Variants in FBN3 observed in about 807,000 individuals in gnomAD.
The protein encoded by FBN3 is fibrillin 3.
In FBN3, 234 loss-of-function variants were observed where a neutral mutation model predicts 330.1. That is an observed-to-expected ratio of 0.71 (90% confidence interval 0.64 to 0.79). The LOEUF is 0.79. Ranked by LOEUF, FBN3 falls within the 30% of genes least tolerant of loss-of-function variation. The probability of loss-of-function intolerance (pLI) is 0.00; values close to 1 mark genes in which losing one functional copy is unlikely to be tolerated. For synonymous variants in FBN3, 1,458 were observed against 1,517.3 expected (o/e 0.96, Z 0.91); for missense variants, 3,606 against 3,886.9 (o/e 0.93, Z 1.92).
chr19:8,072,031 T>A lies in FBN3; in HGVS notation c.8088+17A>T, dbSNP rs773310473. Reference sequence around the variant, plus strand: ...CCATTCCCTGGCCACCCCTGCCTAGTGCAGCACCCATGTCACCTGGTGGTC... The same window carrying A: ...CCATTCCCTGGCCACCCCTGCCTAGAGCAGCACCCATGTCACCTGGTGGTC... On this transcript the variant is annotated intron_variant, in intron 63 of 63. Coordinates refer to ENST00000600128, the MANE Select transcript of FBN3 (RefSeq NM_032447.5). 70 of 1,608,920 alleles carry A rather than the reference T, an allele frequency of 4.4e-5. No individual in the cohort carries two copies. Among genetic ancestry groups the A allele is most frequent in the Non-Finnish European group, 5.8e-5 (68 of 1,178,880 alleles).
At chr19:8,133,455 A>AT (rs568070872) in intron 13 of FBN3, among the ~76,000 whole-genome samples, 6,558 of 147,476 alleles carry the variant, frequency 0.044, 411 homozygotes, top group African/African-American at 0.14. Flanking sequence ...AAAGACAACA[A>AT]TTTTTTTTTT....
Position 8,111,193 on chromosome 19 carries a change from C to T in FBN3, c.4085-10G>A. 6.3e-7 allele frequency: 1 copy of T among 1,582,230 alleles called. No individual in the cohort carries two copies. Among genetic ancestry groups the T allele is most frequent in the Non-Finnish European group, 8.6e-7 (1 of 1,163,772 alleles). On this transcript the variant is annotated splice_polypyrimidine_tract_variant and intron_variant, in intron 32 of 63. Coordinates refer to ENST00000600128, the MANE Select transcript of FBN3 (RefSeq NM_032447.5). ...GCACATTCATCCCTGTCTGAGGGGC[C>T]CCAAGATTCGGAGGGCTGGAGGCCG...
chr19:8,087,955 GGCCAGTGGAGGT>G lies in FBN3; in HGVS notation c.6497-20_6497-9del. On this transcript the variant is annotated splice_polypyrimidine_tract_variant and intron_variant, in intron 52 of 63. Transcript: ENST00000600128. ...GGGAGCATTCGTCGATGTCTGGGGA[GGCCAGTGGAGGT>G]GCCAGCTGGGTAGGGACTGAGGGCG... The G allele has an allele frequency of 6.2e-7, 1 of 1,614,100 alleles. No individual in the cohort carries two copies. The highest frequency in any genetic ancestry group is 8.5e-7 in the Non-Finnish European group (1 of 1,180,020).
chr19:8,088,223 C>A, intron 51 of FBN3, 44 bp from the exon 52 acceptor site: 1 of 1,546,338 alleles, frequency 6.5e-7, no homozygotes, highest in South Asian at 1.2e-5. Flanking sequence ...AGAGGGTCCC[C>A]CATCCTCAGT....
intron 10 of FBN3, 150 bp from the exon 11 acceptor site, chr19:8,136,681 T>C: frequency 9.4e-7 from 1 of 1,059,034 alleles, no homozygotes; most frequent in Non-Finnish European, 1.4e-6. Context: ...TGGAGAGTCC[T>C]GCCTTAGATT....
chr19:8,141,414 C>G (rs547231986), intron 8 of FBN3, among the ~76,000 whole-genome samples: 1 of 151,340 alleles, frequency 6.6e-6, no homozygotes, highest in African/African-American at 2.4e-5. Flanking sequence ...AACAAGGGGT[C>G]TCTCTCCTAC....
At chr19:8,106,717 A>G (rs2144793357) in intron 37 of FBN3, among the ~76,000 whole-genome samples, 1 of 142,964 alleles carries the variant, frequency 7.0e-6, no homozygotes, top group South Asian at 2.2e-4. Context: ...AAATGAGTGA[A>G]TGGGTGGATA....
chr19:8,081,642 G>GT (rs897988513), intron 57 of FBN3, among the ~76,000 whole-genome samples, 162 bp from the exon 58 acceptor site: 33 of 152,116 alleles, frequency 2.2e-4, no homozygotes, highest in African/African-American at 7.5e-4. Flanking sequence ...AATACATTTG[G>GT]TTTTGCAGGC....
intron 4 of FBN3, 45 bp downstream of exon 4, chr19:8,146,082 C>T: frequency 6.5e-7 from 1 of 1,544,006 alleles, no homozygotes; most frequent in Non-Finnish European, 8.8e-7. Flanking sequence ...AACCAGAACC[C>T]TGTGAACTTC....
rs754472253 is a variant in FBN3 at position 8,123,791 on chromosome 19, G to C, written c.2949C>G (p.Phe983Leu). Residue 983 changes from phenylalanine to leucine, a missense_variant, in exon 23 of 64, where the codon TTC becomes TTG. Phe to Leu is a conservative substitution (Grantham distance 22). Transcript: ENST00000600128. ...ASRDFLSGRP[F>L]YKDVNECKVF... Reference sequence around the variant, plus strand: ...CCCCTTCCCCAACCGCACCTTTATAGAATGGTCGGCCAGACAGGAAGTCCC... The same window carrying C: ...CCCCTTCCCCAACCGCACCTTTATACAATGGTCGGCCAGACAGGAAGTCCC... The C allele has an allele frequency of 1.9e-6, 3 of 1,613,218 alleles. No homozygotes were observed. The highest frequency in any genetic ancestry group is 1.7e-4 in the Middle Eastern group (1 of 6,032).
rs892330806 is a variant in FBN3, at chr19:8,121,116, G to C, written c.3211+142C>G. On this transcript the variant is annotated intron_variant, in intron 25 of 63. Coordinates refer to ENST00000600128, the MANE Select transcript of FBN3 (RefSeq NM_032447.5). The surrounding 1 kb of genome is among the most constrained non-coding windows in gnomAD (Gnocchi z 4.5). Reference sequence around the variant, plus strand: ...AGGCCTCATGGAGCCCAGACTCACTGTACCTCAGCTAATTTACAGCTCCTC... The same window carrying C: ...AGGCCTCATGGAGCCCAGACTCACTCTACCTCAGCTAATTTACAGCTCCTC... The C allele has an allele frequency of 4.9e-6, 4 of 813,630 alleles. No individual in the cohort carries two copies. The Admixed American group carries it at 1.0e-4, about 21-fold the overall frequency. 50.4% of individuals were successfully genotyped at this position (813,630 alleles called of 1,614,324 possible).
chr19:8,083,503 C>T, intron 56 of FBN3, 131 bp from the exon 57 acceptor site: 1 of 1,046,692 alleles, frequency 9.6e-7, no homozygotes, highest in Non-Finnish European at 1.4e-6. Context: ...CCGGCCACTG[C>T]ACCCCAGCCC....
intron 51 of FBN3, among the ~76,000 whole-genome samples, chr19:8,088,443 G>A (rs748993622): frequency 4.5e-4 from 69 of 152,206 alleles, no homozygotes; most frequent in East Asian, 3.9e-3. Flanking sequence ...GTGAATGAAG[G>A]AGTGATTAAA....
At chr19:8,071,761 GC>G (rs2081516280) in intron 63 of FBN3, among the ~76,000 whole-genome samples, 1 of 152,078 alleles carries the variant, frequency 6.6e-6, no homozygotes, top group South Asian at 2.1e-4. Flanking sequence ...CCCATAGAAA[GC>G]ATCACAGCCC....
In FBN3 at chr19:8,087,147, G is replaced by A. The variant is rs1253162448; in HGVS notation, c.6684C>T (p.Leu2228=). Reference sequence around the variant, plus strand: ...GACAGACGCACGCGAAGGTACCGATGAGGTTCTTGCACTCCATGCCCCGGG... The same window carrying A: ...GACAGACGCACGCGAAGGTACCGATAAGGTTCTTGCACTCCATGCCCCGGG... ...CHARGMECKN[L]IGTFACVCPP... Residue 2228 remains leucine, a synonymous_variant, in exon 54 of 64, where the codon CTC becomes CTT. Transcript: ENST00000600128. 2 of 1,610,722 alleles carry A rather than the reference G, an allele frequency of 1.2e-6. No homozygotes were observed. The highest frequency in any genetic ancestry group is 1.7e-5 in the Admixed American group (1 of 59,582).
chr19:8,104,644 G>C (rs974144138), intron 38 of FBN3, among the ~76,000 whole-genome samples: 1 of 151,964 alleles, frequency 6.6e-6, no homozygotes, highest in Non-Finnish European at 1.5e-5. Flanking sequence ...GTATTCTTGG[G>C]GGAAAAAAAT....
At position 8,147,064 on chromosome 19, in the gene FBN3, G is replaced by C. The variant is rs200855496; in HGVS notation, c.250+40C>G. On this transcript the variant is annotated intron_variant, in intron 3 of 63. Transcript: ENST00000600128. ...CCTGCAGGCAGGTAAGAGTGTCCCC[G>C]GCCTGTGCCCCCCCACCTCCAGACG... 1.5e-4 allele frequency: 230 copies of C among 1,517,422 alleles called. 1 individual carries two copies. The African/African-American group carries it at 2.8e-3, about 18-fold the overall frequency. 94.0% of individuals were successfully genotyped at this position (1,517,422 alleles called of 1,614,324 possible). A position where few individuals can be genotyped will look rare whatever the true frequency, so the allele number is the denominator to read the frequency against.
chr19:8,146,984 T>C, intron 3 of FBN3, 120 bp downstream of exon 3: 1 of 886,210 alleles, frequency 1.1e-6, no homozygotes, highest in Non-Finnish European at 1.8e-6. Flanking sequence ...GCAAGGGCCA[T>C]TCCTGTGGTT....
chr19:8,114,848 T>G (rs2082672254), intron 30 of FBN3, among the ~76,000 whole-genome samples: 1 of 151,696 alleles, frequency 6.6e-6, no homozygotes, highest in African/African-American at 2.4e-5. Flanking sequence ...TTCACGCCAT[T>G]CTCCTGCCTC....
Sources: allele counts gnomAD v4.1 joint callset (sites outside exome capture counted in the v4.1 genomes callset), GRCh38; gene constraint gnomAD v4.1.1; non-coding constraint Gnocchi (gnomAD v3.1); transcripts MANE v1.5; gene names NCBI Gene and HGNC (gene_info 2026-07-23, HGNC 2026-07-21).